Variants in NOL4 observed in about 807,000 individuals in gnomAD.
NOL4 encodes nucleolar protein 4, also known as cancer/testis antigen 125.
NOL4 carries 17 observed loss-of-function variants against 75.9 expected under a neutral mutation model. That is an observed-to-expected ratio of 0.22 (90% CI 0.15 to 0.34). The LOEUF (loss-of-function observed/expected upper bound fraction) is 0.34. Among genes scored for constraint, NOL4 ranks in the 10% least tolerant of loss-of-function variants. NOL4 has a pLI of 1.00. For missense variants in NOL4, 614 were observed against 793.5 expected (o/e 0.77, Z 2.72); for synonymous variants, 292 against 289.9 (o/e 1.01, Z -0.07).
At chr18:33,929,969 G>T (rs1314339337) in intron 9 of NOL4, among the ~76,000 whole-genome samples, 1 of 152,044 alleles carries the variant, frequency 6.6e-6, no homozygotes, top group Admixed American at 6.6e-5. Context: ...TGGTAAGCTA[G>T]TACTGAAAGA....
chr18:34,217,526 A>G (rs1479943071), intron 1 of NOL4, among the ~76,000 whole-genome samples: 1 of 152,088 alleles, frequency 6.6e-6, no homozygotes, highest in African/African-American at 2.4e-5. Flanking sequence ...AGCTCAGGCA[A>G]TCCGCCTGCC....
chr18:34,010,687 C>T (rs993404534), intron 6 of NOL4, among the ~76,000 whole-genome samples: 8 of 151,958 alleles, frequency 5.3e-5, no homozygotes, highest in African/African-American at 1.9e-4. Flanking sequence ...TATGAGGGTT[C>T]TCTTTTCTCC....
intron 1 of NOL4, among the ~76,000 whole-genome samples, chr18:34,178,013 A>C (rs1568423119): frequency 6.6e-6 from 1 of 151,814 alleles, no homozygotes; most frequent in Non-Finnish European, 1.5e-5. Flanking sequence ...CTTTTTTCCT[A>C]CCTAGCTTAA....
intron 5 of NOL4, chr18:34,023,370 C>G (rs540625771): frequency 2.2e-6 from 1 of 453,230 alleles, no homozygotes; most frequent in African/African-American, 2.0e-5. Context: ...AATTTAAAAT[C>G]GCGGATCTCA....
intron 6 of NOL4, among the ~76,000 whole-genome samples, chr18:33,962,868 A>G (rs1330734414): frequency 6.6e-6 from 1 of 152,210 alleles, no homozygotes; most frequent in Admixed American, 6.6e-5. Context: ...ACCAGTTGGA[A>G]CAGTAAAAAA....
At chr18:34,038,887 G>C (rs576760682) in intron 5 of NOL4, among the ~76,000 whole-genome samples, 1 of 152,140 alleles carries the variant, frequency 6.6e-6, no homozygotes, top group Non-Finnish European at 1.5e-5. Flanking sequence ...AGCTAGAAGA[G>C]AGAACTTGAA....
chr18:34,051,262 CTG>C (rs1169967070), intron 5 of NOL4, among the ~76,000 whole-genome samples: 3 of 151,896 alleles, frequency 2.0e-5, no homozygotes, highest in East Asian at 1.9e-4. Context: ...ATCTATATGA[CTG>C]TAATATTTAA....
At chr18:34,075,385 A>AAT (rs747632555) in intron 5 of NOL4, among the ~76,000 whole-genome samples, 10 of 152,144 alleles carry the variant, frequency 6.6e-5, no homozygotes, top group Non-Finnish European at 1.3e-4. Flanking sequence ...GTGTGCAGAA[A>AAT]ATATATATTG....
At chr18:34,123,223 G>A (rs982974979) in intron 2 of NOL4, among the ~76,000 whole-genome samples, 2 of 150,856 alleles carry the variant, frequency 1.3e-5, no homozygotes, top group Non-Finnish European at 3.0e-5. Flanking sequence ...ACCTATATGA[G>A]ATATATAATT....
Position 34,158,057 on chromosome 18 carries a change from G to A in NOL4, c.265-28037C>T, listed in dbSNP as rs186435361. Among the ~76,000 whole-genome samples, 528 of 152,300 alleles carry A rather than the reference G, an allele frequency of 3.5e-3. 7 individuals carry two copies. Among genetic ancestry groups the A allele is most frequent in the African/African-American group, 0.012 (499 of 41,566 alleles). ...TCTTGCATTGTTGGGATTTTCTAAA[G>A]AGGTAGTATCAAAGTCAGCTGAAAA... On this transcript the variant is annotated intron_variant, in intron 1 of 10. Coordinates refer to ENST00000261592, the MANE Select transcript of NOL4 (RefSeq NM_003787.5).
At chr18:34,153,789 A>G (rs1462595825) in intron 1 of NOL4, among the ~76,000 whole-genome samples, 1 of 152,048 alleles carries the variant, frequency 6.6e-6, no homozygotes, top group Non-Finnish European at 1.5e-5. Flanking sequence ...TTTCTCTTTC[A>G]TCTAACAGTC....
intron 8 of NOL4, among the ~76,000 whole-genome samples, chr18:33,951,826 A>G (rs1359928784): frequency 6.6e-6 from 1 of 152,134 alleles, no homozygotes. Flanking sequence ...ACTTTCATAG[A>G]GAGGAAAATA....
chr18:33,962,492 G>A (rs1600071464), intron 6 of NOL4, among the ~76,000 whole-genome samples: 1 of 152,268 alleles, frequency 6.6e-6, no homozygotes, highest in East Asian at 1.9e-4. Context: ...GTTCAAAACT[G>A]CCTCCATGCA....
At chr18:33,944,030 G>T (rs1397049027) in intron 8 of NOL4, among the ~76,000 whole-genome samples, 4 of 134,942 alleles carry the variant, frequency 3.0e-5, no homozygotes, top group Admixed American at 1.5e-4. Context: ...TAATAATATA[G>T]AAGTTTTTTT....
At chr18:33,889,103 C>T (rs1036044312) in intron 9 of NOL4, among the ~76,000 whole-genome samples, 1 of 151,770 alleles carries the variant, frequency 6.6e-6, no homozygotes, top group African/African-American at 2.4e-5. Context: ...AAAAGATCAA[C>T]AAAATTGATA....
intron 9 of NOL4, among the ~76,000 whole-genome samples, chr18:33,903,839 C>A (rs1378209059): frequency 1.3e-5 from 2 of 152,126 alleles, no homozygotes; most frequent in African/African-American, 4.8e-5. Flanking sequence ...CTAGGCCAAT[C>A]CATTTTGCAC....
At chr18:34,005,438 T>C (rs528797916) in intron 6 of NOL4, among the ~76,000 whole-genome samples, 1 of 152,164 alleles carries the variant, frequency 6.6e-6, no homozygotes, top group South Asian at 2.1e-4. Flanking sequence ...ACTTCCCTTA[T>C]GGCAACCTGG....
chr18:33,885,022 G>A (rs2064551222), intron 9 of NOL4, among the ~76,000 whole-genome samples: 1 of 151,854 alleles, frequency 6.6e-6, no homozygotes, highest in Admixed American at 6.6e-5. Context: ...TTCATTTATA[G>A]TAAGACTATA....
At chr18:34,101,698 G>A (rs943362286) in intron 4 of NOL4, among the ~76,000 whole-genome samples, 1 of 152,036 alleles carries the variant, frequency 6.6e-6, no homozygotes, top group Non-Finnish European at 1.5e-5. Flanking sequence ...AAGGAATAGA[G>A]CTTTGTTAAC....
Sources: allele counts gnomAD v4.1 joint callset (sites outside exome capture counted in the v4.1 genomes callset), GRCh38; gene constraint gnomAD v4.1.1; transcripts MANE v1.5; gene names NCBI Gene and HGNC (gene_info 2026-07-23, HGNC 2026-07-21).